The following ITGA9 variants were observed in gnomAD, a reference collection of about 807,000 sequenced individuals.
ITGA9 encodes the protein integrin alpha-9.
ITGA9 carries 56 observed loss-of-function variants against 127.8 expected under a neutral mutation model. That is an observed-to-expected ratio of 0.44 (90% CI 0.35 to 0.55). The LOEUF (loss-of-function observed/expected upper bound fraction) is 0.55. Among genes scored for constraint, ITGA9 ranks in the 20% least tolerant of loss-of-function variants. The pLI is 0.00. For synonymous variants in ITGA9, 508 were observed against 514.5 expected (o/e 0.99, Z 0.17); for missense variants, 1,196 against 1,347.1 (o/e 0.89, Z 1.76).
chr3:37,547,346 A>T (rs1166169634), intron 15 of ITGA9, among the ~76,000 whole-genome samples: 1 of 152,182 alleles, frequency 6.6e-6, no homozygotes, highest in Non-Finnish European at 1.5e-5. Context: ...TTTTGTGGGC[A>T]GATGCTCATC....
chr3:37,711,497 G>A (rs1701079255), intron 18 of ITGA9, among the ~76,000 whole-genome samples: 1 of 152,248 alleles, frequency 6.6e-6, no homozygotes, highest in South Asian at 2.1e-4. Context: ...TTGAACTCTT[G>A]GGCTCAAGTA....
At chr3:37,593,812 G>A (rs1699843446) in intron 15 of ITGA9, among the ~76,000 whole-genome samples, 1 of 152,246 alleles carries the variant, frequency 6.6e-6, no homozygotes, top group Non-Finnish European at 1.5e-5. Flanking sequence ...GCAGATTGGT[G>A]TCCTGGCCCA....
rs1416484210 is a variant in ITGA9 at position 37,513,937 on chromosome 3, G to C, written c.1035+37G>C. 1.9e-6 allele frequency: 3 copies of C among 1,611,680 alleles called. No homozygotes were observed. The East Asian group carries it at 6.7e-5, about 36-fold the overall frequency. On this transcript the variant is annotated intron_variant, in intron 9 of 27. Coordinates refer to ENST00000264741, the MANE Select transcript of ITGA9 (RefSeq NM_002207.3). ...ACTGGGCAATGTGCGGATGGGTGTG[G>C]GGGAGGGACATTTGTCCAGCCAGCA... is the stretch of plus-strand genomic sequence containing the variant.
In ITGA9 at chr3:37,799,597, C is replaced by G. The variant is rs191416622; in HGVS notation, c.2890-4226C>G. On this transcript the variant is annotated intron_variant, in intron 26 of 27. Transcript: ENST00000264741. This position sits in a 1 kb window ranked among gnomAD's most constrained non-coding sequence, Gnocchi z 4.0. The stretch of plus-strand genomic sequence containing the variant: ...GGAAGGAGACCAGAGTATGAAGGCC[C>G]TGGTGTCCTGAATTAGATGCTCAGC... Among the ~76,000 whole-genome samples, 1 of 152,208 alleles carries G rather than the reference C, an allele frequency of 6.6e-6. No homozygotes were observed. The highest frequency in any genetic ancestry group is 2.1e-4 in the South Asian group (1 of 4,820).
In ITGA9 at chr3:37,761,581, C is replaced by G. The variant is rs368064418; in HGVS notation, c.2541+11012C>G. Among the ~76,000 whole-genome samples, 6 of 152,144 alleles carry G rather than the reference C, an allele frequency of 3.9e-5. No homozygotes were observed. The East Asian group carries it at 1.2e-3, about 29-fold the overall frequency. On this transcript the variant is annotated intron_variant, in intron 23 of 27. Coordinates refer to ENST00000264741, the MANE Select transcript of ITGA9 (RefSeq NM_002207.3). The stretch of plus-strand genomic sequence containing the variant: ...CAGAGATACTGTATCAAGTACTTTA[C>G]AAGAACAAATTAATCTAATCTTCAT...
intron 18 of ITGA9, among the ~76,000 whole-genome samples, chr3:37,691,106 A>G (rs929403864): frequency 2.0e-5 from 3 of 152,162 alleles, no homozygotes; most frequent in African/African-American, 7.2e-5. Context: ...TTTTGGAAAA[A>G]TGCTCTTGGG....
chr3:37,736,997 T>G lies in ITGA9; in HGVS notation c.2234+14T>G. ...TACTGCTCAGAGGTAAGGGGGGGGT[T>G]TAAACACTTTTTTCAAAGATGAGAG... On this transcript the variant is annotated intron_variant, in intron 20 of 27. Transcript: ENST00000264741. 6.5e-7 allele frequency: 1 copy of G among 1,547,108 alleles called. No homozygotes were observed. Among genetic ancestry groups the G allele is most frequent in the South Asian group, 1.1e-5 (1 of 89,688 alleles).
chr3:37,541,481 T>C (rs923975018), intron 14 of ITGA9, among the ~76,000 whole-genome samples: 3 of 152,258 alleles, frequency 2.0e-5, no homozygotes, highest in Non-Finnish European at 4.4e-5. Flanking sequence ...TTATTGACTC[T>C]GAAATAACAG....
intron 22 of ITGA9, chr3:37,748,147 T>C: frequency 2.0e-6 from 1 of 490,272 alleles, no homozygotes; most frequent in African/African-American, 2.0e-5. Flanking sequence ...AGGCACCTGA[T>C]ATATGTTCTC....
At chr3:37,519,968 G>A (rs966568786) in intron 11 of ITGA9, among the ~76,000 whole-genome samples, 1 of 152,224 alleles carries the variant, frequency 6.6e-6, no homozygotes, top group Non-Finnish European at 1.5e-5. Flanking sequence ...ATGTCTGCCT[G>A]TGGAGTGGCA....
At chr3:37,665,987 A>T (rs1285852549) in intron 17 of ITGA9, among the ~76,000 whole-genome samples, 1 of 152,198 alleles carries the variant, frequency 6.6e-6, no homozygotes, top group African/African-American at 2.4e-5. Flanking sequence ...ATGAGAGGTG[A>T]CACAATGCTA....
Position 37,581,247 on chromosome 3 carries a change from G to T in ITGA9, c.1689+38662G>T, listed in dbSNP as rs376674241. Reference sequence around the variant, plus strand: ...TGGACAAGACGGCTGGACTAGTGTGGTCACAGAGGGAACAGACGGAAGCAG... The same window carrying T: ...TGGACAAGACGGCTGGACTAGTGTGTTCACAGAGGGAACAGACGGAAGCAG... On this transcript the variant is annotated intron_variant, in intron 15 of 27. Transcript: ENST00000264741. Among the ~76,000 whole-genome samples, 220 of 152,328 alleles carry T rather than the reference G, an allele frequency of 1.4e-3. 1 individual carries two copies. The highest frequency in any genetic ancestry group is 5.0e-3 in the African/African-American group (210 of 41,588).
At chr3:37,532,900 G>A (rs1045971784) in intron 13 of ITGA9, among the ~76,000 whole-genome samples, 1 of 152,190 alleles carries the variant, frequency 6.6e-6, no homozygotes, top group African/African-American at 2.4e-5. Context: ...AAATGCTTGA[G>A]GGAATCCCTG....
intron 17 of ITGA9, among the ~76,000 whole-genome samples, chr3:37,655,999 G>A (rs7626256): frequency 0.52 from 79,548 of 151,878 alleles, 21,222 homozygotes; most frequent in African/African-American, 0.63. Context: ...AGATCAGATG[G>A]TTGTAGATGT....
chr3:37,736,945 G>T lies in ITGA9; in HGVS notation c.2196G>T (p.Gly732=), dbSNP rs749777933. The change falls in exon 20 of 28, where the codon GGG becomes GGT. Residue 732 remains glycine, a synonymous_variant. Coordinates refer to ENST00000264741, the MANE Select transcript of ITGA9 (RefSeq NM_002207.3). ...TCTTTGATACAAGCCACCTGTCTGG[G>T]GAAGAGGAAGTTCTCAGCTTCATTG... ...SVIFDTSHLS[G]EEEVLSFIVT... is the part of the protein sequence containing the mutation. 2 of 1,613,684 alleles carry T rather than the reference G, an allele frequency of 1.2e-6. No homozygotes were observed. Among genetic ancestry groups the T allele is most frequent in the South Asian group, 2.2e-5 (2 of 91,060 alleles).
At chr3:37,736,207 G>A (rs927876452) in intron 19 of ITGA9, among the ~76,000 whole-genome samples, 9 of 152,114 alleles carry the variant, frequency 5.9e-5, no homozygotes, top group Non-Finnish European at 1.0e-4. Context: ...GGGGGGTTAG[G>A]CCTTCCACAT....
At chr3:37,790,350 C>T in intron 26 of ITGA9, 1 of 522,606 alleles carries the variant, frequency 1.9e-6, no homozygotes. Context: ...TAGAGGGGTG[C>T]CTGGGAGCAG....
intron 5 of ITGA9, among the ~76,000 whole-genome samples, chr3:37,500,261 C>G (rs1424471158): frequency 6.6e-6 from 1 of 152,088 alleles, no homozygotes; most frequent in Non-Finnish European, 1.5e-5. Context: ...GCTGTGTTTC[C>G]CAGTGGAGCG....
chr3:37,574,394 A>G (rs140418734), intron 15 of ITGA9, among the ~76,000 whole-genome samples: 2 of 152,342 alleles, frequency 1.3e-5, no homozygotes, highest in African/African-American at 4.8e-5. Context: ...CCTTTGGGTT[A>G]GGATCAAGTG....
Sources: gnomAD v4.1 joint callset for allele counts (sites outside exome capture counted in the v4.1 genomes callset) on GRCh38, gnomAD v4.1.1 for gene constraint, Gnocchi (gnomAD v3.1) non-coding constraint, MANE v1.5 for transcripts, NCBI Gene and HGNC (gene_info 2026-07-23, HGNC 2026-07-21) for gene names.